The following CTXND1 variants were observed in gnomAD, a reference collection of about 807,000 sequenced individuals.
CTXND1 encodes the protein cortexin domain containing 1.
intron 1 of CTXND1, among the ~76,000 whole-genome samples, chr15:80,225,021 G>A (rs932942447): frequency 2.0e-5 from 3 of 152,202 alleles, no homozygotes; most frequent in Non-Finnish European, 2.9e-5. Flanking sequence ...TGGGATTACC[G>A]GCGTGAACAC....
rs563360426 is a variant in CTXND1, at chr15:80,246,968, C to T, written c.-218+5039G>A. ...TCCCAGGCCTGCTGTGTGACAAGCA[C>T]GGTGCTGGTTAATTTCATATAGTCT... On this transcript the variant is annotated intron_variant, in intron 1 of 2. Transcript: ENST00000560778. 4.6e-5 allele frequency among the ~76,000 whole-genome samples: 7 copies of T among 152,266 alleles called. No individual in the cohort carries two copies. The East Asian group carries it at 7.7e-4, about 17-fold the overall frequency.
rs1045673801 is a variant in CTXND1 at position 80,200,656 on chromosome 15, G to A, written c.*1114C>T. 2 of 152,102 alleles carry A rather than the reference G, an allele frequency of 1.3e-5. No homozygotes were observed. Among genetic ancestry groups the A allele is most frequent in the African/African-American group, 4.8e-5 (2 of 41,368 alleles). 9.4% of individuals were successfully genotyped at this position (152,102 alleles called of 1,614,324 possible). A position where few individuals can be genotyped will look rare whatever the true frequency, so the allele number is the denominator to read the frequency against. ...AAAAATAAAATTTTAAAAATGACAA[G>A]GCTTTTCCTATCTTACAATGAGGAA... On this transcript the variant is annotated 3_prime_UTR_variant, in exon 3 of 3. Transcript: ENST00000560778.
chr15:80,213,081 G>A (rs746329747), intron 1 of CTXND1, among the ~76,000 whole-genome samples: 41 of 152,178 alleles, frequency 2.7e-4, no homozygotes, highest in Non-Finnish European at 4.9e-4. Context: ...GCATGTAACT[G>A]TTATCCTATG....
intron 1 of CTXND1, among the ~76,000 whole-genome samples, chr15:80,234,891 C>T (rs1013760818): frequency 4.6e-5 from 7 of 152,176 alleles, no homozygotes; most frequent in Non-Finnish European, 1.0e-4. Flanking sequence ...AGAAACCTGC[C>T]GTGTTTTGTT....
chr15:80,222,874 G>C (rs1009896454), intron 1 of CTXND1, among the ~76,000 whole-genome samples: 1 of 151,896 alleles, frequency 6.6e-6, no homozygotes, highest in African/African-American at 2.4e-5. Flanking sequence ...AGATATATTT[G>C]TTATAAATAA....
rs1254503067 is a variant in CTXND1, at chr15:80,197,304, A to C, written c.*4466T>G. 2 of 152,150 alleles carry C rather than the reference A, an allele frequency of 1.3e-5. No homozygotes were observed. Among genetic ancestry groups the C allele is most frequent in the Non-Finnish European group, 2.9e-5 (2 of 68,020 alleles). The allele number at this position is 152,150 out of a possible 1,614,324, so 9.4% of individuals were successfully genotyped here. A position where few individuals can be genotyped will look rare whatever the true frequency, so the allele number is the denominator to read the frequency against. ...AGGCTGGTTTCAAACTCCTGGGCTC[A>C]AGCAATCTGCCTGTGTTGGCCTCCC... On this transcript the variant is annotated 3_prime_UTR_variant, in exon 3 of 3. Coordinates refer to ENST00000560778, the MANE Select transcript of CTXND1 (RefSeq NM_001352888.2).
At chr15:80,215,955 A>G (rs1489720423) in intron 1 of CTXND1, among the ~76,000 whole-genome samples, 3 of 152,160 alleles carry the variant, frequency 2.0e-5, no homozygotes, top group African/African-American at 7.2e-5. Flanking sequence ...GGGGCCTCAT[A>G]CAAATGTGCG....
At chr15:80,233,193 C>T (rs182542325) in intron 1 of CTXND1, among the ~76,000 whole-genome samples, 4 of 152,258 alleles carry the variant, frequency 2.6e-5, no homozygotes, top group Admixed American at 6.5e-5. Flanking sequence ...CCCGCCTCAG[C>T]CTCCAAAAGT....
At chr15:80,228,435 A>T (rs1893395292) in intron 1 of CTXND1, among the ~76,000 whole-genome samples, 1 of 152,152 alleles carries the variant, frequency 6.6e-6, no homozygotes, top group African/African-American at 2.4e-5. Flanking sequence ...GTATTTCTTA[A>T]ATAATAAGAT....
intron 1 of CTXND1, among the ~76,000 whole-genome samples, chr15:80,208,873 G>A (rs57589511): frequency 0.35 from 53,521 of 152,090 alleles, 9,686 homozygotes; most frequent in African/African-American, 0.45. Context: ...CCATGCCTGT[G>A]CCCTGGGCCC....
intron 1 of CTXND1, among the ~76,000 whole-genome samples, chr15:80,238,710 C>T (rs547319845): frequency 1.6e-4 from 24 of 152,126 alleles, no homozygotes; most frequent in Non-Finnish European, 2.9e-4. Flanking sequence ...CTCCTGACCT[C>T]GTGATCCACC....
rs1455535174 is a variant in CTXND1, at chr15:80,210,966, A to G, written c.-217-7226T>C. On this transcript the variant is annotated intron_variant, in intron 1 of 2. Coordinates refer to ENST00000560778, the MANE Select transcript of CTXND1 (RefSeq NM_001352888.2). ...TGATTGGGACCCCACCTTATGACTC[A>G]TGTAACCTTAATTACCTCCTAAAAG... Among the ~76,000 whole-genome samples, 11 of 152,312 alleles carry G rather than the reference A, an allele frequency of 7.2e-5. No individual in the cohort carries two copies. In the South Asian group the frequency reaches 2.3e-3, roughly 32 times the overall value.
chr15:80,244,137 A>G (rs897170570), intron 1 of CTXND1, among the ~76,000 whole-genome samples: 1 of 152,202 alleles, frequency 6.6e-6, no homozygotes, highest in African/African-American at 2.4e-5. Flanking sequence ...AGCCATTGTT[A>G]TTACCTTTCT....
chr15:80,229,062 C>T (rs1322322595), intron 1 of CTXND1, among the ~76,000 whole-genome samples: 1 of 152,120 alleles, frequency 6.6e-6, no homozygotes, highest in Admixed American at 6.6e-5. Flanking sequence ...CACTCCTGGT[C>T]CCAAGCACTT....
At chr15:80,239,288 C>T (rs1212394066) in intron 1 of CTXND1, among the ~76,000 whole-genome samples, 3 of 152,184 alleles carry the variant, frequency 2.0e-5, no homozygotes, top group African/African-American at 7.2e-5. Context: ...TACCACCCAC[C>T]CCAAATGGCT....
intron 1 of CTXND1, among the ~76,000 whole-genome samples, chr15:80,204,188 A>C (rs1384776182): frequency 2.3e-4 from 12 of 51,558 alleles, no homozygotes; most frequent in Non-Finnish European, 4.0e-4. Flanking sequence ...ATATATATAT[A>C]TATATATATA....
intron 1 of CTXND1, among the ~76,000 whole-genome samples, chr15:80,241,966 C>T (rs1247421525): frequency 6.6e-6 from 1 of 152,210 alleles, no homozygotes; most frequent in African/African-American, 2.4e-5. Flanking sequence ...CCCACTTTTT[C>T]ACTCCAATAA....
At position 80,196,095 on chromosome 15, in the gene CTXND1, G is replaced by A. The variant is rs1021640792; in HGVS notation, c.*5675C>T. The A allele has an allele frequency of 6.6e-6, 1 of 152,106 alleles. No individual in the cohort carries two copies. The highest frequency in any genetic ancestry group is 2.4e-5 in the African/African-American group (1 of 41,408). 9.4% of individuals were successfully genotyped at this position (152,106 alleles called of 1,614,324 possible). ...AACCCTGGGATTCGCTAGGGCACTT[G>A]GTACTCCCTGTATCCCTTGTCCTCA... is the stretch of plus-strand genomic sequence containing the variant. On this transcript the variant is annotated 3_prime_UTR_variant, in exon 3 of 3. Coordinates refer to ENST00000560778, the MANE Select transcript of CTXND1 (RefSeq NM_001352888.2).
At chr15:80,220,149 C>G (rs767642718) in intron 1 of CTXND1, among the ~76,000 whole-genome samples, 2 of 48,402 alleles carry the variant, frequency 4.1e-5, no homozygotes, top group Admixed American at 1.8e-4. Context: ...TATCTATCAT[C>G]TATCTATCTA....
Sources: allele counts gnomAD v4.1 joint callset (sites outside exome capture counted in the v4.1 genomes callset), GRCh38; gene constraint gnomAD v4.1.1; transcripts MANE v1.5; gene names NCBI Gene and HGNC (gene_info 2026-07-23, HGNC 2026-07-21).